Variants in ABCA1 observed in about 807,000 individuals in gnomAD.
ABCA1 encodes the protein phospholipid-transporting ATPase ABCA1.
In ABCA1, 133 loss-of-function variants were observed where a neutral mutation model predicts 262.5. The observed-to-expected ratio is 0.51, with a 90% CI of 0.44 to 0.59. The LOEUF (loss-of-function observed/expected upper bound fraction) is 0.59. Ranked by LOEUF, ABCA1 falls within the 20% of genes least tolerant of loss-of-function variation. The probability of loss-of-function intolerance (pLI) is 0.00; values close to 1 mark genes in which losing one functional copy is unlikely to be tolerated. For missense variants in ABCA1, 2,452 were observed against 2,777.5 expected, an observed-to-expected ratio of 0.88 and a Z score of 2.63; for synonymous variants, 1,022 against 1,043.5, an observed-to-expected ratio of 0.98 and a Z score of 0.40.
chr9:104,861,385 C>T, intron 6 of ABCA1: 2 of 569,342 alleles, frequency 3.5e-6, no homozygotes, highest in Non-Finnish European at 6.2e-6. Flanking sequence ...TTAAGTTTAA[C>T]TCAACTTAAA....
chr9:104,869,307 C>T (rs543286596), intron 5 of ABCA1, among the ~76,000 whole-genome samples: 2 of 151,794 alleles, frequency 1.3e-5, no homozygotes, highest in East Asian at 3.9e-4. Context: ...TTCAATGGAC[C>T]CCTGGGGTGG....
chr9:104,882,048 A>C (rs974985463), intron 5 of ABCA1, among the ~76,000 whole-genome samples: 2 of 150,122 alleles, frequency 1.3e-5, no homozygotes, highest in African/African-American at 4.9e-5. Flanking sequence ...AAAAAAAAAA[A>C]AAAAAAAAAC....
intron 4 of ABCA1, among the ~76,000 whole-genome samples, chr9:104,884,095 C>A (rs1378685860): frequency 6.6e-6 from 1 of 152,188 alleles, no homozygotes; most frequent in Non-Finnish European, 1.5e-5. Context: ...TTTGTGCCAG[C>A]CCCTACCCTC....
rs34544647 is a variant in ABCA1 at position 104,893,421 on chromosome 9, CAAAAAAAAAAAAAAAAA to C, written c.67-4243_67-4227del. The stretch of plus-strand genomic sequence containing the variant: ...TGGGCAACAGAGTGAGACTTCACCT[CAAAAAAAAAAAAAAAAA>C]AAAAAAAAAAAAAAGAAAAGAAAAT... On this transcript the variant is annotated intron_variant, in intron 2 of 49. Coordinates refer to ENST00000374736, the MANE Select transcript of ABCA1 (RefSeq NM_005502.4). Among the ~76,000 whole-genome samples, 7 of 35,266 alleles carry C rather than the reference CAAAAAAAAAAAAAAAAA, an allele frequency of 2.0e-4. No homozygotes were observed. The East Asian group carries it at 4.0e-3, about 20-fold the overall frequency. The allele number at this position is 35,266 out of a possible 152,430, so 23.1% of individuals were successfully genotyped here. A position where few individuals can be genotyped will look rare whatever the true frequency, so the allele number is the denominator to read the frequency against.
intron 30 of ABCA1, among the ~76,000 whole-genome samples, chr9:104,808,896 G>C (rs534178753): frequency 6.6e-6 from 1 of 151,998 alleles, no homozygotes. Flanking sequence ...ACAGTGATCT[G>C]GTGACCTCCC....
intron 5 of ABCA1, among the ~76,000 whole-genome samples, chr9:104,882,593 A>G (rs531191161): frequency 6.6e-6 from 1 of 152,382 alleles, no homozygotes; most frequent in South Asian, 2.1e-4. Context: ...TGATTAGGGG[A>G]AAATGAATTG....
intron 5 of ABCA1, among the ~76,000 whole-genome samples, chr9:104,863,834 T>TA (rs1213771580): frequency 6.6e-6 from 1 of 152,196 alleles, no homozygotes; most frequent in African/African-American, 2.4e-5. Context: ...CATGTGACTC[T>TA]ACACTGTTAG....
At chr9:104,785,307 T>C in intron 49 of ABCA1, 89 bp downstream of exon 49, 1 of 1,544,168 alleles carries the variant, frequency 6.5e-7, no homozygotes. Context: ...CAATTCAAGA[T>C]ACAAACTGCT....
chr9:104,791,931 T>A lies in ABCA1; in HGVS notation c.5820+5A>T. The A allele has an allele frequency of 6.2e-7, 1 of 1,613,206 alleles. No homozygotes were observed. Among genetic ancestry groups the A allele is most frequent in the Non-Finnish European group, 8.5e-7 (1 of 1,179,524 alleles). On this transcript the variant is annotated splice_donor_5th_base_variant and intron_variant, in intron 43 of 49. Transcript: ENST00000374736. ...ACAAACGCAATATAGACAAAGTGTC[T>A]TTACCTCACCAGGAGGAATGCCCAC...
chr9:104,825,875 G>A lies in ABCA1; in HGVS notation c.2350C>T (p.Pro784Ser). The change falls in exon 17 of 50, where the codon CCT (proline) becomes TCT (serine). Residue 784 changes from proline to serine, a missense_variant. By Grantham distance (74) the Pro-to-Ser change is moderately conservative. Around this residue, in one of 4 missense-constraint regions of ABCA1, gnomAD observed 1,032 missense variants for 1,089.7 expected, o/e 0.95. Transcript: ENST00000374736. ...TCACAGCCAAACCCAAAAGCCACAG[G>A]AGACAGCAGGCTCTGTGAGAAACAG... ...TLKIFASLLS[P>S]VAFGFGCEYF... 6.2e-7 allele frequency: 1 copy of A among 1,614,006 alleles called. No homozygotes were observed. The highest frequency in any genetic ancestry group is 8.5e-7 in the Non-Finnish European group (1 of 1,180,032).
rs1838822202 is a variant in ABCA1 at position 104,883,027 on chromosome 9, G to T, written c.421+12C>A. 1.2e-6 allele frequency: 2 copies of T among 1,603,178 alleles called. No individual in the cohort carries two copies. Among genetic ancestry groups the T allele is most frequent in the African/African-American group, 1.3e-5 (1 of 74,718 alleles). ...CCAATTATAAACGGATGCAGAGAAG[G>T]TTTTTACTTACTTGAGCTGGATTTC... On this transcript the variant is annotated intron_variant, in intron 5 of 49. Coordinates refer to ENST00000374736, the MANE Select transcript of ABCA1 (RefSeq NM_005502.4).
Position 104,809,498 on chromosome 9 carries a change from G to T in ABCA1, c.4242C>A (p.Phe1414Leu). The T allele has an allele frequency of 6.2e-7, 1 of 1,614,192 alleles. No individual in the cohort carries two copies. The highest frequency in any genetic ancestry group is 8.5e-7 in the Non-Finnish European group (1 of 1,180,026). Residue 1414 changes from phenylalanine to leucine, a missense_variant, in exon 30 of 50, where the codon TTC becomes TTA. Physicochemically the swap from Phe to Leu is conservative, Grantham distance 22. Transcript: ENST00000374736. ...LLNALTKDPG[F>L]GTRCMEGNPI... Reference sequence around the variant, plus strand: ...GGTTTCCTTCCATACAGCGGGTCCCGAAGCCAGGGTCTTTGGTGAGGGCGT... The same window carrying T: ...GGTTTCCTTCCATACAGCGGGTCCCTAAGCCAGGGTCTTTGGTGAGGGCGT...
rs1376925878 is a variant in ABCA1, at chr9:104,792,356, T to G, written c.5758-358A>C. Among the ~76,000 whole-genome samples the G allele has an allele frequency of 2.0e-5, 3 of 152,230 alleles. 1 individual carries two copies. The highest frequency in any genetic ancestry group is 2.0e-4 in the Admixed American group (3 of 15,284). ...TTTGTAATAAAAATATTGCAAATAC[T>G]GTACAGATTCCAAAAAAGTAAAATT... On this transcript the variant is annotated intron_variant, in intron 42 of 49. Coordinates refer to ENST00000374736, the MANE Select transcript of ABCA1 (RefSeq NM_005502.4).
intron 37 of ABCA1, 36 bp downstream of exon 37, chr9:104,798,385 A>C: frequency 6.8e-6 from 11 of 1,609,682 alleles, no homozygotes; most frequent in Admixed American, 1.7e-5. Context: ...TGGCCCTGAC[A>C]GACATCAGAA....
chr9:104,803,691 T>C (rs1040971758), intron 32 of ABCA1, among the ~76,000 whole-genome samples: 1 of 151,952 alleles, frequency 6.6e-6, no homozygotes, highest in Non-Finnish European at 1.5e-5. Flanking sequence ...CACTGCAACC[T>C]CCGCCTCCCA....
At chr9:104,896,031 A>T (rs1840170209) in intron 2 of ABCA1, among the ~76,000 whole-genome samples, 1 of 152,206 alleles carries the variant, frequency 6.6e-6, no homozygotes, top group East Asian at 1.9e-4. Flanking sequence ...AATGGGGGAT[A>T]AAAAAAGGAA....
chr9:104,830,492 C>G (rs1833193711), intron 14 of ABCA1, among the ~76,000 whole-genome samples: 1 of 152,076 alleles, frequency 6.6e-6, no homozygotes, highest in African/African-American at 2.4e-5. Flanking sequence ...GAGTTGAAGT[C>G]TAGCCTGGGT....
chr9:104,889,540 G>A (rs1295303437), intron 2 of ABCA1: 1 of 184,960 alleles, frequency 5.4e-6, no homozygotes, highest in Non-Finnish European at 1.0e-5. Context: ...CAGTAACCCA[G>A]GCACACTCCT....
At chr9:104,819,882 G>C (rs774959700) in intron 21 of ABCA1, 45 bp downstream of exon 21, 1 of 1,609,242 alleles carries the variant, frequency 6.2e-7, no homozygotes, top group African/African-American at 1.3e-5. Context: ...GTGTGTAGCC[G>C]GAGGAGGAGG....
Sources: gnomAD v4.1 joint callset for allele counts (sites outside exome capture counted in the v4.1 genomes callset) on GRCh38, gnomAD v4.1.1 for gene constraint, gnomAD v4.1.1 regional missense constraint, MANE v1.5 for transcripts, NCBI Gene and HGNC (gene_info 2026-07-23, HGNC 2026-07-21) for gene names.